Variants in DOCK3 observed in about 807,000 individuals in gnomAD.
DOCK3 encodes the protein dedicator of cytokinesis protein 3.
DOCK3 carries 60 observed loss-of-function variants against 265.6 expected under a neutral mutation model. That is an observed-to-expected ratio of 0.23 (90% confidence interval 0.18 to 0.28). The LOEUF (loss-of-function observed/expected upper bound fraction) is 0.28, where lower values mean the gene tolerates loss of function less well. Ranked by LOEUF, DOCK3 falls within the 10% of genes least tolerant of loss-of-function variation. DOCK3 has a pLI of 1.00. For synonymous variants in DOCK3, 881 were observed against 938.0 expected, an observed-to-expected ratio of 0.94 and a Z score of 1.11; for missense variants, 1,981 against 2,594.3, an observed-to-expected ratio of 0.76 and a Z score of 5.14.
chr3:50,739,490 C>G (rs774727520), intron 1 of DOCK3, among the ~76,000 whole-genome samples: 1 of 152,092 alleles, frequency 6.6e-6, no homozygotes, highest in Non-Finnish European at 1.5e-5. Flanking sequence ...ATTTACTTGA[C>G]CATCTGACAT....
At chr3:50,841,997 C>G (rs1247728190) in intron 3 of DOCK3, among the ~76,000 whole-genome samples, 2 of 152,022 alleles carry the variant, frequency 1.3e-5, no homozygotes, top group African/African-American at 2.4e-5. Context: ...ACAAAAAGTA[C>G]ATTGACTTAT....
intron 7 of DOCK3, among the ~76,000 whole-genome samples, chr3:51,084,411 A>G (rs1328190528): frequency 7.2e-5 from 11 of 152,216 alleles, no homozygotes. Flanking sequence ...CTAGACCAGG[A>G]GAGAATGGGA....
chr3:50,908,847 T>G (rs1404340086), intron 4 of DOCK3, among the ~76,000 whole-genome samples: 1 of 152,114 alleles, frequency 6.6e-6, no homozygotes, highest in Non-Finnish European at 1.5e-5. Context: ...TGTGGGAGTC[T>G]AAGTCTCTTT....
chr3:51,258,403 A>G (rs1013170737), intron 22 of DOCK3, among the ~76,000 whole-genome samples: 4 of 152,176 alleles, frequency 2.6e-5, no homozygotes, highest in African/African-American at 7.2e-5. Flanking sequence ...AAGATGCTCA[A>G]CAAGTTCATT....
chr3:51,191,851 T>C (rs1389102303), intron 12 of DOCK3, among the ~76,000 whole-genome samples: 2 of 151,848 alleles, frequency 1.3e-5, no homozygotes, highest in African/African-American at 2.4e-5. Context: ...TTTTTCCTGC[T>C]GAGTTGTTTG....
intron 2 of DOCK3, among the ~76,000 whole-genome samples, chr3:50,789,697 C>T (rs1305203238): frequency 6.6e-6 from 1 of 151,966 alleles, no homozygotes; most frequent in African/African-American, 2.4e-5. Context: ...CTGATATTTT[C>T]CTGTTGGACT....
intron 5 of DOCK3, among the ~76,000 whole-genome samples, chr3:50,979,019 A>G (rs1392798029): frequency 1.3e-5 from 2 of 152,114 alleles, no homozygotes; most frequent in African/African-American, 4.8e-5. Flanking sequence ...TACGGTGCGC[A>G]CACCCACTGA....
intron 21 of DOCK3, among the ~76,000 whole-genome samples, chr3:51,243,095 C>T (rs986324500): frequency 1.3e-5 from 2 of 152,180 alleles, no homozygotes; most frequent in Admixed American, 1.3e-4. Context: ...AGACCAGCCC[C>T]ATCTGATGGG....
intron 40 of DOCK3, among the ~76,000 whole-genome samples, chr3:51,354,443 G>A (rs1424814093): frequency 6.6e-6 from 1 of 152,172 alleles, no homozygotes. Context: ...TCTCTACACA[G>A]ACACCTTCTT....
At chr3:51,083,627 C>T (rs1034672568) in intron 7 of DOCK3, among the ~76,000 whole-genome samples, 1 of 152,052 alleles carries the variant, frequency 6.6e-6, no homozygotes, top group African/African-American at 2.4e-5. Context: ...GGAACTGAAG[C>T]TTTAGTGAAT....
intron 1 of DOCK3, among the ~76,000 whole-genome samples, chr3:50,690,474 CATT>C (rs2035146690): frequency 6.6e-6 from 1 of 152,108 alleles, no homozygotes; most frequent in Non-Finnish European, 1.5e-5. Flanking sequence ...AGTATGTTCA[CATT>C]GTTGTGTAAC....
intron 21 of DOCK3, among the ~76,000 whole-genome samples, chr3:51,245,712 C>A (rs1468600768): frequency 6.6e-6 from 1 of 152,066 alleles, no homozygotes; most frequent in Non-Finnish European, 1.5e-5. Flanking sequence ...TTTTCTTATA[C>A]AGAATTAGCA....
At chr3:50,861,846 G>T (rs1402936938) in intron 3 of DOCK3, among the ~76,000 whole-genome samples, 1 of 145,314 alleles carries the variant, frequency 6.9e-6, no homozygotes, top group Non-Finnish European at 1.5e-5. Context: ...GCAGCAGAAG[G>T]TTGGGTCGTT....
At chr3:51,142,908 C>T (rs1355840729) in intron 9 of DOCK3, among the ~76,000 whole-genome samples, 3 of 151,354 alleles carry the variant, frequency 2.0e-5, no homozygotes, top group Non-Finnish European at 2.9e-5. Flanking sequence ...TTTTTTGAGA[C>T]GGAGTTTCTC....
At chr3:51,089,311 C>A (rs763922372) in intron 8 of DOCK3, 27 bp downstream of exon 8, 2 of 1,600,826 alleles carry the variant, frequency 1.2e-6, no homozygotes, top group South Asian at 1.1e-5. Flanking sequence ...GGTCTTCCAG[C>A]CTTTCCCCTC....
intron 32 of DOCK3, among the ~76,000 whole-genome samples, chr3:51,329,438 A>C (rs949031313): frequency 6.6e-6 from 1 of 152,190 alleles, no homozygotes; most frequent in Non-Finnish European, 1.5e-5. Context: ...AATTAAATTA[A>C]ATTTAAAAAA....
chr3:51,184,978 G>A (rs1432058774), intron 12 of DOCK3, among the ~76,000 whole-genome samples: 2 of 151,970 alleles, frequency 1.3e-5, no homozygotes, highest in Non-Finnish European at 2.9e-5. Flanking sequence ...AAAAATATGG[G>A]AACAATCCCA....
chr3:50,746,262 A>G (rs888563583), intron 1 of DOCK3, among the ~76,000 whole-genome samples: 2 of 151,938 alleles, frequency 1.3e-5, no homozygotes, highest in African/African-American at 4.8e-5. Context: ...ACACACTACC[A>G]TGCCTGGCTA....
intron 2 of DOCK3, among the ~76,000 whole-genome samples, chr3:50,798,989 C>T (rs2042933704): frequency 6.6e-6 from 1 of 152,074 alleles, no homozygotes; most frequent in Non-Finnish European, 1.5e-5. Flanking sequence ...GTCCTTTTGC[C>T]AATGAATGTT....
Sources: gnomAD v4.1 joint callset for allele counts (sites outside exome capture counted in the v4.1 genomes callset) on GRCh38, gnomAD v4.1.1 for gene constraint, MANE v1.5 for transcripts, NCBI Gene and HGNC (gene_info 2026-07-23, HGNC 2026-07-21) for gene names.